The following CAMK1D variants were observed in gnomAD, a reference collection of about 807,000 sequenced individuals.
The protein encoded by CAMK1D is calcium/calmodulin-dependent protein kinase type 1D.
A neutral mutation model predicts 47.7 loss-of-function variants in CAMK1D; 9 were observed. The ratio of observed to expected loss-of-function variants is 0.19; its 90% confidence interval spans 0.11 to 0.33. CAMK1D has a LOEUF of 0.33. CAMK1D is among the 10% of genes least tolerant of loss of function. The pLI is 1.00. For missense variants in CAMK1D, 291 were observed against 488.7 expected (o/e 0.60, Z 3.81); for synonymous variants, 184 against 184.9 (o/e 0.99, Z 0.04).
chr10:12,670,870 C>G (rs556955849), intron 3 of CAMK1D, among the ~76,000 whole-genome samples: 18 of 152,192 alleles, frequency 1.2e-4, no homozygotes, highest in African/African-American at 4.3e-4. Context: ...TTGTTATAGT[C>G]ACAAGGTTAT....
intron 6 of CAMK1D, among the ~76,000 whole-genome samples, chr10:12,801,295 G>GTGTA (rs1554827565): frequency 3.7e-5 from 4 of 108,728 alleles, no homozygotes; most frequent in Non-Finnish European, 7.9e-5. Context: ...CTGTCTGTGT[G>GTGTA]TGTATCTATC....
intron 1 of CAMK1D, among the ~76,000 whole-genome samples, chr10:12,527,998 C>T (rs540255448): frequency 2.6e-5 from 4 of 152,290 alleles, no homozygotes; most frequent in Admixed American, 2.0e-4. Flanking sequence ...ATAGCAACAA[C>T]GAGTCAAATA....
chr10:12,648,039 C>T (rs17152058), intron 2 of CAMK1D, among the ~76,000 whole-genome samples: 19,336 of 152,126 alleles, frequency 0.13, 1,521 homozygotes, highest in African/African-American at 0.22. Flanking sequence ...TGCCATCTTG[C>T]GAAGAGTCCA....
At chr10:12,571,740 G>A (rs534851348) in intron 2 of CAMK1D, among the ~76,000 whole-genome samples, 12 of 152,104 alleles carry the variant, frequency 7.9e-5, no homozygotes, top group Admixed American at 5.2e-4. Context: ...TTAAAGCTCC[G>A]TGAAGGTAGG....
chr10:12,614,999 T>C (rs921837329), intron 2 of CAMK1D, among the ~76,000 whole-genome samples: 2 of 152,150 alleles, frequency 1.3e-5, no homozygotes, highest in Admixed American at 6.5e-5. Context: ...CTGGGGCTTC[T>C]CAGTGAAGAT....
chr10:12,734,353 T>A (rs1198725823), intron 3 of CAMK1D, among the ~76,000 whole-genome samples: 74 of 5,044 alleles, frequency 0.015, 5 homozygotes, highest in African/African-American at 0.031. Flanking sequence ...AAAATATATA[T>A]ATATATATAT....
intron 3 of CAMK1D, among the ~76,000 whole-genome samples, chr10:12,701,907 A>G (rs1030457948): frequency 2.0e-5 from 3 of 152,238 alleles, no homozygotes; most frequent in Non-Finnish European, 4.4e-5. Flanking sequence ...AGATCCTGCC[A>G]TATTCCACAC....
chr10:12,829,070 A>G lies in CAMK1D; in HGVS notation c.*183A>G. On this transcript the variant is annotated 3_prime_UTR_variant, in exon 11 of 11. Coordinates refer to ENST00000619168, the MANE Select transcript of CAMK1D (RefSeq NM_153498.4). ...CAATTCTGAAGTGTTCATTTCTCAC[A>G]AACTGTACTGACTCGAGGGGCGCTG... 1.8e-6 allele frequency: 1 copy of G among 561,896 alleles called. No homozygotes were observed. Among genetic ancestry groups the G allele is most frequent in the East Asian group, 3.0e-5 (1 of 33,152 alleles). The allele number at this position is 561,896 out of a possible 1,614,324, so 34.8% of individuals were successfully genotyped here. A position where few individuals can be genotyped will look rare whatever the true frequency, so the allele number is the denominator to read the frequency against.
At chr10:12,558,418 G>A (rs1836832520) in intron 2 of CAMK1D, among the ~76,000 whole-genome samples, 1 of 152,138 alleles carries the variant, frequency 6.6e-6, no homozygotes, top group African/African-American at 2.4e-5. Context: ...GCTGAGCGTT[G>A]TGGCGCATAC....
chr10:12,625,684 G>A lies in CAMK1D; in HGVS notation c.225-41052G>A, dbSNP rs150720695. On this transcript the variant is annotated intron_variant, in intron 2 of 10. Coordinates refer to ENST00000619168, the MANE Select transcript of CAMK1D (RefSeq NM_153498.4). ...GTGTGTGGTTTGCCTCAGCTCTCTG[G>A]TTCCAGCCACCCTCAGGGAAATCTG... is the stretch of plus-strand genomic sequence containing the variant. Among the ~76,000 whole-genome samples the A allele has an allele frequency of 2.7e-5, 4 of 150,770 alleles. No individual in the cohort carries two copies. The East Asian group carries it at 7.8e-4, about 29-fold the overall frequency.
intron 1 of CAMK1D, among the ~76,000 whole-genome samples, chr10:12,351,926 A>C (rs1488492097): frequency 6.6e-6 from 1 of 152,204 alleles, no homozygotes; most frequent in Non-Finnish European, 1.5e-5. Context: ...AGAATGATAG[A>C]AACAGTGTGA....
At chr10:12,602,654 G>A (rs1838336378) in intron 2 of CAMK1D, among the ~76,000 whole-genome samples, 1 of 152,124 alleles carries the variant, frequency 6.6e-6, no homozygotes, top group African/African-American at 2.4e-5. Flanking sequence ...ATTTAAATAT[G>A]TCAGCATAAA....
chr10:12,698,671 G>T (rs1053919036), intron 3 of CAMK1D, among the ~76,000 whole-genome samples: 28 of 45,740 alleles, frequency 6.1e-4, no homozygotes, highest in Admixed American at 4.4e-3. Flanking sequence ...GCCCTTTAAA[G>T]AATTTTTTTT....
intron 3 of CAMK1D, among the ~76,000 whole-genome samples, chr10:12,705,719 C>A (rs1160001290): frequency 6.6e-6 from 1 of 152,180 alleles, no homozygotes; most frequent in Non-Finnish European, 1.5e-5. Context: ...CATTGTTCGG[C>A]CTTCTTGCCA....
intron 1 of CAMK1D, among the ~76,000 whole-genome samples, chr10:12,367,212 C>T (rs569404015): frequency 6.6e-6 from 1 of 152,108 alleles, no homozygotes; most frequent in African/African-American, 2.4e-5. Flanking sequence ...TGCTTCATGA[C>T]ATAAAATAAA....
chr10:12,414,437 G>C (rs548808671), intron 1 of CAMK1D, among the ~76,000 whole-genome samples: 1 of 152,314 alleles, frequency 6.6e-6, no homozygotes, highest in South Asian at 2.1e-4. Context: ...GCTGGGGAGA[G>C]TGGTTGGCTG....
chr10:12,708,017 A>G (rs1293543716), intron 3 of CAMK1D, among the ~76,000 whole-genome samples: 2 of 152,184 alleles, frequency 1.3e-5, no homozygotes, highest in African/African-American at 4.8e-5. Context: ...CCTAAGAGTG[A>G]CCGAGGCAGC....
In CAMK1D at chr10:12,751,850, A is replaced by G. The variant is rs186973895; in HGVS notation, c.300-9098A>G. On this transcript the variant is annotated intron_variant, in intron 3 of 10. Coordinates refer to ENST00000619168, the MANE Select transcript of CAMK1D (RefSeq NM_153498.4). ...GCACCTTTGTCAGGGCTGCTGATAG[A>G]AAGTAAACCCAGAAGCCGCTGAGAC... 2.6e-5 allele frequency among the ~76,000 whole-genome samples: 4 copies of G among 152,334 alleles called. No individual in the cohort carries two copies. The East Asian group carries it at 5.8e-4, about 22-fold the overall frequency.
At chr10:12,629,836 G>A (rs1196252645) in intron 2 of CAMK1D, among the ~76,000 whole-genome samples, 9 of 152,226 alleles carry the variant, frequency 5.9e-5, no homozygotes, top group Non-Finnish European at 1.2e-4. Context: ...CTTCGAGTGG[G>A]TCCTGACCCT....
Sources: gnomAD v4.1 joint callset for allele counts (sites outside exome capture counted in the v4.1 genomes callset) on GRCh38, gnomAD v4.1.1 for gene constraint, MANE v1.5 for transcripts, NCBI Gene and HGNC (gene_info 2026-07-23, HGNC 2026-07-21) for gene names.